PPAT: variants seen among roughly 807,000 people sequenced by gnomAD.
The protein encoded by PPAT is phosphoribosyl pyrophosphate amidotransferase, also known as amidophosphoribosyltransferase.
Under a neutral mutation model 60.2 loss-of-function variants are expected in PPAT, and 20 were observed. The observed-to-expected ratio is 0.33, with a 90% confidence interval of 0.23 to 0.48. The LOEUF is 0.48. PPAT is among the 20% of genes least tolerant of loss of function. The pLI, the probability that PPAT is intolerant of heterozygous loss-of-function variation, is 0.99. For missense variants in PPAT, 349 were observed against 629.6 expected (o/e 0.55, Z 4.77); for synonymous variants, 194 against 215.1 (o/e 0.90, Z 0.86).
chr4:56,435,586 T>A lies in PPAT; in HGVS notation c.-109A>T, dbSNP rs1223623493. 3 of 1,568,780 alleles carry A rather than the reference T, an allele frequency of 1.9e-6. No individual in the cohort carries two copies. The African/African-American group carries it at 4.1e-5, about 21-fold the overall frequency. ...TCAGAAGCTCGCGCTCGCGACAGGC[T>A]CTTCCTTCCCGAGGGTGGCCCCAGC... On this transcript the variant is annotated 5_prime_UTR_variant, in exon 1 of 11. Coordinates refer to ENST00000264220, the MANE Select transcript of PPAT (RefSeq NM_002703.5).
In PPAT at chr4:56,393,494, G is replaced by A. The variant is rs867574931; in HGVS notation, c.*1858C>T. ...ATCTCTGCAGTTTATAATACTCTAC[G>A]TATATGAATTTAAAGCAGTTAAACA... is the stretch of plus-strand genomic sequence containing the variant. On this transcript the variant is annotated 3_prime_UTR_variant, in exon 11 of 11. Transcript: ENST00000264220. 1.3e-5 allele frequency: 2 copies of A among 151,842 alleles called. No individual in the cohort carries two copies. The highest frequency in any genetic ancestry group is 6.6e-5 in the Admixed American group (1 of 15,192). The allele number at this position is 151,842 out of a possible 1,614,324, so 9.4% of individuals were successfully genotyped here. A position where few individuals can be genotyped will look rare whatever the true frequency, so the allele number is the denominator to read the frequency against.
Position 56,396,442 on chromosome 4 carries a change from G to T in PPAT, c.1357+177C>A. On this transcript the variant is annotated intron_variant, in intron 10 of 10. Transcript: ENST00000264220. The surrounding 1 kb of genome is among the most constrained non-coding windows in gnomAD (Gnocchi z 4.6). ...GCTTAGCTCTCCAACACAAGACTCTGTGGTGTCTGCCCATGCCCACTACTC... is the reference window on the plus strand; with the variant it reads ...GCTTAGCTCTCCAACACAAGACTCTTTGGTGTCTGCCCATGCCCACTACTC... 1 of 533,790 alleles carries T rather than the reference G, an allele frequency of 1.9e-6. No individual in the cohort carries two copies. Among genetic ancestry groups the T allele is most frequent in the Non-Finnish European group, 3.1e-6 (1 of 327,080 alleles). The allele number at this position is 533,790 out of a possible 1,614,324, so 33.1% of individuals were successfully genotyped here.
At chr4:56,420,778 T>C (rs967374561) in intron 1 of PPAT, 3 of 152,188 alleles carry the variant, frequency 2.0e-5, no homozygotes, top group Non-Finnish European at 4.4e-5. Flanking sequence ...GTAGTACATT[T>C]CTCTGAGACC....
rs141127591 is a variant in PPAT, at chr4:56,414,175, C to T, written c.129-6459G>A. On this transcript the variant is annotated intron_variant, in intron 1 of 10. Transcript: ENST00000264220. The stretch of plus-strand genomic sequence containing the variant: ...CCTAGGGCTTAGGAAGCCCTCCTTG[C>T]ACCAGGTTTGATTCATTATGTAATG... The T allele has an allele frequency of 1.3e-4, 20 of 152,324 alleles. No individual in the cohort carries two copies. The East Asian group carries it at 3.9e-3, about 29-fold the overall frequency. 9.4% of individuals were successfully genotyped at this position (152,324 alleles called of 1,614,324 possible). A position where few individuals can be genotyped will look rare whatever the true frequency, so the allele number is the denominator to read the frequency against.
chr4:56,400,798 C>A lies in PPAT; in HGVS notation c.1000G>T (p.Ala334Ser). 1 of 1,613,094 alleles carries A rather than the reference C, an allele frequency of 6.2e-7. No individual in the cohort carries two copies. Among genetic ancestry groups the A allele is most frequent in the Non-Finnish European group, 8.5e-7 (1 of 1,179,490 alleles). Reference protein sequence around the residue: ...VPESATPAALAYAGKCGLPYV... With the variant: ...VPESATPAALSYAGKCGLPYV... ...AGAGAAAATACCTTTCCTGCGTAAG[C>A]AAGAGCAGCAGGCGTAGCAGATTCT... The change falls in exon 8 of 11, where the codon GCT (alanine) becomes TCT (serine). Residue 334 changes from alanine to serine, a missense_variant. Physicochemically the swap from Ala to Ser is moderately conservative, Grantham distance 99. Around this residue, in one of 5 missense-constraint regions of PPAT, gnomAD observed 167 missense variants for 328.6 expected, o/e 0.51. Coordinates refer to ENST00000264220, the MANE Select transcript of PPAT (RefSeq NM_002703.5).
chr4:56,429,641 G>A (rs369231361), intron 1 of PPAT, among the ~76,000 whole-genome samples: 67 of 152,192 alleles, frequency 4.4e-4, no homozygotes, highest in Admixed American at 2.0e-3. Context: ...CAGCTTTAAT[G>A]CCTTATAGAT....
intron 3 of PPAT, among the ~76,000 whole-genome samples, chr4:56,404,361 C>T (rs1403468534): frequency 6.6e-6 from 1 of 152,128 alleles, no homozygotes; most frequent in Non-Finnish European, 1.5e-5. Flanking sequence ...GCTACCCATC[C>T]TCATTGATTA....
intron 1 of PPAT, chr4:56,431,572 G>C: frequency 1.1e-6 from 1 of 942,950 alleles, no homozygotes; most frequent in Non-Finnish European, 1.3e-6. Flanking sequence ...ATTTTTAGAA[G>C]TATGAAAATG....
intron 1 of PPAT, among the ~76,000 whole-genome samples, chr4:56,427,920 T>C (rs568523979): frequency 6.6e-6 from 1 of 152,296 alleles, no homozygotes; most frequent in Admixed American, 6.5e-5. Context: ...TGGTAGAGAA[T>C]ACAGTAGAGA....
intron 1 of PPAT, 57 bp downstream of exon 1, chr4:56,435,293 G>C: frequency 6.2e-7 from 1 of 1,605,438 alleles, no homozygotes; most frequent in South Asian, 1.1e-5. Flanking sequence ...CCGACTGCGG[G>C]AAGCGGCTCC....
In PPAT at chr4:56,410,899, TAAAAAAAAAAAAAAAAA is replaced by T. The variant is rs35668849; in HGVS notation, c.129-3200_129-3184del. 12 of 678,538 alleles carry T rather than the reference TAAAAAAAAAAAAAAAAA, an allele frequency of 1.8e-5. No individual in the cohort carries two copies. In the African/African-American group the frequency reaches 3.2e-4, roughly 18 times the overall value. The allele number at this position is 678,538 out of a possible 1,614,324, so 42.0% of individuals were successfully genotyped here. ...GTACAGCCCCAGAGACCACTGAAGGTAAAAAAAAAAAAAAAAAAAAAAAAAAAAAGAAAAGTACTCTT... is the reference window on the plus strand; with the variant it reads ...GTACAGCCCCAGAGACCACTGAAGGTAAAAAAAAAAAAGAAAAGTACTCTT... On this transcript the variant is annotated intron_variant, in intron 1 of 10. Coordinates refer to ENST00000264220, the MANE Select transcript of PPAT (RefSeq NM_002703.5).
rs1454229037 is a variant in PPAT at position 56,399,337 on chromosome 4, G to A, written c.1078C>T (p.Pro360Ser). ...NRYVGRTFIQ[P>S]NMRLRQLGVA... is the part of the protein sequence containing the mutation. Reference sequence around the variant, plus strand: ...CCAAGTTGTCTTAACCTCATGTTTGGCTGAATGAAGGTTCTCCCTACATAC... The same window carrying A: ...CCAAGTTGTCTTAACCTCATGTTTGACTGAATGAAGGTTCTCCCTACATAC... The change falls in exon 9 of 11, where the codon CCA (proline) becomes TCA (serine). Residue 360 changes from proline to serine, a missense_variant. Physicochemically the swap from Pro to Ser is moderately conservative, Grantham distance 74 (BLOSUM62 -1). Transcript: ENST00000264220. 3 of 1,613,858 alleles carry A rather than the reference G, an allele frequency of 1.9e-6. No individual in the cohort carries two copies. Among genetic ancestry groups the A allele is most frequent in the Non-Finnish European group, 8.5e-7 (1 of 1,179,910 alleles).
intron 1 of PPAT, chr4:56,410,841 C>T: frequency 1.0e-6 from 1 of 965,024 alleles, no homozygotes; most frequent in African/African-American, 2.0e-5. Flanking sequence ...GAGGAAGATG[C>T]AAATGGCAGG....
intron 1 of PPAT, among the ~76,000 whole-genome samples, chr4:56,412,295 T>C (rs1716500364): frequency 6.6e-6 from 1 of 151,746 alleles, no homozygotes; most frequent in Non-Finnish European, 1.5e-5. Flanking sequence ...TCAAACTCTC[T>C]ATTCTCCCAT....
intron 1 of PPAT, chr4:56,410,623 T>C (rs1448396427): frequency 1.0e-6 from 1 of 986,154 alleles, no homozygotes; most frequent in Non-Finnish European, 1.2e-6. Context: ...CACTAAGAAA[T>C]AAAGGAATAT....
At chr4:56,397,096 TG>T (rs1339402418) in intron 9 of PPAT, among the ~76,000 whole-genome samples, 1 of 152,106 alleles carries the variant, frequency 6.6e-6, no homozygotes, top group Admixed American at 6.6e-5. Context: ...TGTCTGTTAT[TG>T]TTTTTTTTGC....
chr4:56,420,162 A>G (rs1367915441), intron 1 of PPAT: 1 of 213,516 alleles, frequency 4.7e-6, no homozygotes, highest in African/African-American at 2.4e-5. Context: ...ACTTTTTCAG[A>G]TTTTAGAGTA....
At chr4:56,428,996 C>A in intron 1 of PPAT, 2 of 971,792 alleles carry the variant, frequency 2.1e-6, no homozygotes, top group Non-Finnish European at 2.4e-6. Context: ...GAGAAAAGCA[C>A]ATGAAGATGG....
At chr4:56,417,942 C>A (rs568271225) in intron 1 of PPAT, among the ~76,000 whole-genome samples, 62 of 150,238 alleles carry the variant, frequency 4.1e-4, no homozygotes, top group Non-Finnish European at 7.2e-4. Flanking sequence ...CAGGTTCAAG[C>A]GATTCTCCTG....
Sources: allele counts gnomAD v4.1 joint callset (sites outside exome capture counted in the v4.1 genomes callset), GRCh38; gene constraint gnomAD v4.1.1; regional missense constraint gnomAD v4.1.1; non-coding constraint Gnocchi (gnomAD v3.1); transcripts MANE v1.5; gene names NCBI Gene and HGNC (gene_info 2026-07-23, HGNC 2026-07-21).